The following SMARCA2 variants were observed in gnomAD, a reference collection of about 807,000 sequenced individuals.
The protein encoded by SMARCA2 is SWI/SNF-related matrix-associated actin-dependent regulator of chromatin subfamily A member 2.
A neutral mutation model predicts 199.8 loss-of-function variants in SMARCA2; 61 were observed. The ratio of observed to expected loss-of-function variants is 0.31; its 90% CI spans 0.25 to 0.38. The LOEUF (loss-of-function observed/expected upper bound fraction) is 0.38, where lower values mean the gene tolerates loss of function less well. SMARCA2 is among the 10% of genes least tolerant of loss of function. The probability of loss-of-function intolerance (pLI) is 1.00; values close to 1 mark genes in which losing one functional copy is unlikely to be tolerated. For missense variants in SMARCA2, 1,344 were observed against 2,012.2 expected (o/e 0.67, Z 6.35); for synonymous variants, 935 against 732.0 (o/e 1.28, Z -4.48).
intron 1 of SMARCA2, among the ~76,000 whole-genome samples, chr9:2,022,962 A>G (rs1289128544): frequency 2.6e-5 from 4 of 152,230 alleles, no homozygotes; most frequent in Non-Finnish European, 5.9e-5. Flanking sequence ...AATGGACATG[A>G]GTCTCAGAGT....
At chr9:2,042,356 T>C (rs1239001104) in intron 4 of SMARCA2, 1 of 152,228 alleles carries the variant, frequency 6.6e-6, no homozygotes, top group Admixed American at 6.5e-5. Context: ...TGATCTGCTA[T>C]ACCTCACAGT....
chr9:2,168,829 A>T (rs765281198), intron 28 of SMARCA2, among the ~76,000 whole-genome samples: 1 of 152,106 alleles, frequency 6.6e-6, no homozygotes, highest in South Asian at 2.1e-4. Context: ...ATTTGAAATT[A>T]TTCTGCTGGG....
intron 27 of SMARCA2, among the ~76,000 whole-genome samples, chr9:2,146,783 A>G (rs1486326418): frequency 6.6e-6 from 1 of 152,082 alleles, no homozygotes; most frequent in Non-Finnish European, 1.5e-5. Context: ...TTGCCATGGC[A>G]TTTGTAAACT....
At position 2,170,898 on chromosome 9, in the gene SMARCA2, G is replaced by A. The variant is rs1826215588; in HGVS notation, c.4253+426G>A. Among the ~76,000 whole-genome samples, 1 of 152,220 alleles carries A rather than the reference G, an allele frequency of 6.6e-6. No individual in the cohort carries two copies. On this transcript the variant is annotated intron_variant, in intron 29 of 33. Transcript: ENST00000349721. This position sits in a 1 kb window ranked among gnomAD's most constrained non-coding sequence, Gnocchi z 4.7. Reference sequence around the variant, plus strand: ...GACTTGATCTCCTGCGAGACATGAAGAAGCGTGCATGTTCACGCTGTGTCT... The same window carrying A: ...GACTTGATCTCCTGCGAGACATGAAAAAGCGTGCATGTTCACGCTGTGTCT...
intron 2 of SMARCA2, among the ~76,000 whole-genome samples, chr9:2,032,074 T>G (rs1275033078): frequency 6.6e-6 from 1 of 152,238 alleles, no homozygotes; most frequent in African/African-American, 2.4e-5. Flanking sequence ...TACTTTTGAC[T>G]CTGCAGAAAT....
chr9:2,189,734 G>C (rs1261351158), intron 32 of SMARCA2, among the ~76,000 whole-genome samples: 2 of 152,046 alleles, frequency 1.3e-5, no homozygotes, highest in African/African-American at 2.4e-5. Context: ...CCTTGGCTAG[G>C]AGTACTATTT....
chr9:2,073,603 G>A lies in SMARCA2; in HGVS notation c.1915G>A (p.Asp639Asn). 1 of 1,611,462 alleles carries A rather than the reference G, an allele frequency of 6.2e-7. No homozygotes were observed. Among genetic ancestry groups the A allele is most frequent in the South Asian group, 1.1e-5 (1 of 90,946 alleles). Residue 639 changes from aspartate (D) to asparagine (N), a missense_variant, in exon 12 of 34, where the codon GAT (aspartate) becomes AAT (asparagine). Physicochemically the swap from Asp to Asn is conservative, Grantham distance 23 (BLOSUM62 1). Coordinates refer to ENST00000349721, the MANE Select transcript of SMARCA2 (RefSeq NM_003070.5). ...VAPRSDSEES[D>N]SDYEEEDEEE... ...CCCTAGATCTGACAGTGAAGAGAGT[G>A]ATTCTGATTATGAGGAAGAGGTATG...
At chr9:2,097,842 C>T (rs77905199) in intron 21 of SMARCA2, among the ~76,000 whole-genome samples, 2,365 of 152,136 alleles carry the variant, frequency 0.016, 62 homozygotes, top group African/African-American at 0.054. Context: ...AAAAGAATGC[C>T]GTGAAAAATA....
intron 27 of SMARCA2, among the ~76,000 whole-genome samples, chr9:2,127,096 G>T (rs1823730148): frequency 6.6e-6 from 1 of 151,958 alleles, no homozygotes; most frequent in Admixed American, 6.6e-5. Flanking sequence ...GCCCAATTCA[G>T]TTGCTACCCA....
chr9:2,074,636 G>A (rs1234469116), intron 12 of SMARCA2, among the ~76,000 whole-genome samples: 2 of 152,220 alleles, frequency 1.3e-5, no homozygotes, highest in East Asian at 1.9e-4. Flanking sequence ...GGAAGCTGAC[G>A]CAGGAGAATT....
intron 3 of SMARCA2, among the ~76,000 whole-genome samples, chr9:2,038,969 A>G (rs920133730): frequency 6.6e-6 from 1 of 152,218 alleles, no homozygotes; most frequent in Non-Finnish European, 1.5e-5. Context: ...AGTTGGAGCT[A>G]CTTTTACCAT....
At chr9:2,111,225 G>T (rs890213007) in intron 24 of SMARCA2, among the ~76,000 whole-genome samples, 1 of 151,966 alleles carries the variant, frequency 6.6e-6, no homozygotes, top group African/African-American at 2.4e-5. Context: ...GGTGGCTCAT[G>T]CCTGTAATCC....
chr9:2,176,073 G>T (rs570231572), intron 29 of SMARCA2, among the ~76,000 whole-genome samples: 33 of 151,566 alleles, frequency 2.2e-4, no homozygotes, highest in Admixed American at 1.8e-3. Flanking sequence ...TAAAGATGAG[G>T]TTTCTCCATG....
intron 27 of SMARCA2, among the ~76,000 whole-genome samples, chr9:2,134,762 G>A (rs956191609): frequency 6.6e-6 from 1 of 152,096 alleles, no homozygotes; most frequent in East Asian, 1.9e-4. Context: ...ATTATATCAT[G>A]AGAGCCCTCA....
intron 4 of SMARCA2, chr9:2,046,001 A>C (rs1472996516): frequency 1.3e-5 from 2 of 152,204 alleles, no homozygotes; most frequent in Non-Finnish European, 2.9e-5. Context: ...AAATTGAATA[A>C]ATGTGTTCAG....
chr9:2,105,412 A>AT (rs111987923), intron 23 of SMARCA2, among the ~76,000 whole-genome samples: 42,920 of 145,982 alleles, frequency 0.29, 8,617 homozygotes, highest in African/African-American at 0.58. Context: ...CGCCCGGCTA[A>AT]TTTTTTTTTT....
At chr9:2,091,129 T>G (rs1822037224) in intron 19 of SMARCA2, among the ~76,000 whole-genome samples, 1 of 152,216 alleles carries the variant, frequency 6.6e-6, no homozygotes, top group Admixed American at 6.5e-5. Context: ...TTTGCTTCTT[T>G]TGGTGTATAG....
rs922623963 is a variant in SMARCA2 at position 2,115,191 on chromosome 9, C to G, written c.3457-631C>G. On this transcript the variant is annotated intron_variant, in intron 24 of 33. Transcript: ENST00000349721. This position sits in a 1 kb window ranked among gnomAD's most constrained non-coding sequence, Gnocchi z 6.0. ...GTCGGAGACATAGACAGTTTTAACA[C>G]TTCTAATAGGTAGTGACAAATTTCT... Among the ~76,000 whole-genome samples the G allele has an allele frequency of 6.6e-6, 1 of 152,156 alleles. No homozygotes were observed. The highest frequency in any genetic ancestry group is 1.9e-4 in the East Asian group (1 of 5,198).
At chr9:2,116,164 G>A in intron 25 of SMARCA2, 115 bp downstream of exon 25, 1 of 750,864 alleles carries the variant, frequency 1.3e-6, no homozygotes, top group Non-Finnish European at 2.2e-6. Context: ...TGAAAATGAA[G>A]AAATAAACTG....
Sources: allele counts gnomAD v4.1 joint callset (sites outside exome capture counted in the v4.1 genomes callset), GRCh38; gene constraint gnomAD v4.1.1; non-coding constraint Gnocchi (gnomAD v3.1); transcripts MANE v1.5; gene names NCBI Gene and HGNC (gene_info 2026-07-23, HGNC 2026-07-21).